Variants in DCDC1 observed in about 807,000 individuals in gnomAD.
DCDC1 encodes doublecortin domain-containing protein 1.
Under a neutral mutation model 178.3 loss-of-function variants are expected in DCDC1, and 200 were observed. That is an observed-to-expected ratio of 1.12 (90% CI 1.00 to 1.26). The LOEUF (loss-of-function observed/expected upper bound fraction) is 1.26, where lower values mean the gene tolerates loss of function less well. Ranked by LOEUF, DCDC1 falls within the 50% of genes most tolerant of loss-of-function variation. DCDC1 has a pLI of 0.00. For synonymous variants in DCDC1, 690 were observed against 604.8 expected, an observed-to-expected ratio of 1.14 and a Z score of -2.07; for missense variants, 1,983 against 1,749.2, an observed-to-expected ratio of 1.13 and a Z score of -2.38.
chr11:31,014,705 C>T lies in DCDC1; in HGVS notation c.2591+49764G>A, dbSNP rs183521377. Among the ~76,000 whole-genome samples the T allele has an allele frequency of 3.8e-4, 58 of 152,282 alleles. No homozygotes were observed. The South Asian group carries it at 3.9e-3, about 10-fold the overall frequency. On this transcript the variant is annotated intron_variant, in intron 20 of 38. Transcript: ENST00000684477. ...TCCATGGTGTTTACCAATCACTACC[C>T]TAATTATAATCCTTCATGACCATCA... is the stretch of plus-strand genomic sequence containing the variant.
At chr11:30,901,128 T>C (rs1469134198) in intron 32 of DCDC1, among the ~76,000 whole-genome samples, 1 of 152,096 alleles carries the variant, frequency 6.6e-6, no homozygotes, top group East Asian at 1.9e-4. Context: ...GGCCCACATA[T>C]AGTGAGAAAT....
intron 11 of DCDC1, among the ~76,000 whole-genome samples, chr11:31,126,537 T>C (rs956786911): frequency 6.6e-6 from 1 of 152,214 alleles, no homozygotes; most frequent in Non-Finnish European, 1.5e-5. Context: ...GTTTCTAATG[T>C]TACTTGCAGA....
intron 9 of DCDC1, among the ~76,000 whole-genome samples, chr11:31,195,216 C>T (rs1015540689): frequency 6.6e-6 from 1 of 152,086 alleles, no homozygotes; most frequent in Non-Finnish European, 1.5e-5. Flanking sequence ...GAAGAGTGGA[C>T]TTCAGTTAAA....
At chr11:31,090,283 G>A (rs764408013) in intron 17 of DCDC1, among the ~76,000 whole-genome samples, 4 of 152,082 alleles carry the variant, frequency 2.6e-5, no homozygotes, top group Admixed American at 6.5e-5. Context: ...CACACTTGGC[G>A]CTCACTGGCA....
intron 1 of DCDC1, among the ~76,000 whole-genome samples, chr11:31,342,256 T>A (rs952300604): frequency 6.6e-6 from 1 of 152,190 alleles, no homozygotes; most frequent in African/African-American, 2.4e-5. Flanking sequence ...TATAACTAAC[T>A]TACACGCACA....
intron 9 of DCDC1, among the ~76,000 whole-genome samples, chr11:31,211,577 A>G (rs1972536528): frequency 6.6e-6 from 1 of 152,204 alleles, no homozygotes; most frequent in Non-Finnish European, 1.5e-5. Context: ...ACATGCCTAG[A>G]TACTTTGTTC....
intron 9 of DCDC1, among the ~76,000 whole-genome samples, chr11:31,139,219 A>T (rs1963528986): frequency 6.6e-6 from 1 of 152,204 alleles, no homozygotes; most frequent in Non-Finnish European, 1.5e-5. Flanking sequence ...AAAACTTTAA[A>T]AAACAACAAT....
intron 9 of DCDC1, among the ~76,000 whole-genome samples, chr11:31,170,291 G>C (rs1394000594): frequency 6.6e-6 from 1 of 152,068 alleles, no homozygotes; most frequent in African/African-American, 2.4e-5. Flanking sequence ...TTGGGTCCAA[G>C]TCAGTAGACC....
chr11:30,964,225 G>A (rs1018230982), intron 20 of DCDC1, among the ~76,000 whole-genome samples: 8 of 152,120 alleles, frequency 5.3e-5, no homozygotes, highest in African/African-American at 1.9e-4. Context: ...GTGATTAATG[G>A]ATAGAGAAGA....
chr11:31,261,251 A>G lies in DCDC1; in HGVS notation c.1054+4256T>C, dbSNP rs756808539. Among the ~76,000 whole-genome samples, 32 of 152,128 alleles carry G rather than the reference A, an allele frequency of 2.1e-4. 1 individual carries two copies. The highest frequency in any genetic ancestry group is 3.2e-3 in the Middle Eastern group (1 of 316). ...AAGCAGCACTCTGAGATGCCTACCC[A>G]GGCTGTTTACATTATCTCCTAAGTT... On this transcript the variant is annotated intron_variant, in intron 8 of 38. Transcript: ENST00000684477.
chr11:31,364,475 A>G (rs770691192), intron 1 of DCDC1, among the ~76,000 whole-genome samples: 2 of 152,226 alleles, frequency 1.3e-5, no homozygotes, highest in Non-Finnish European at 2.9e-5. Flanking sequence ...TGATTAAAAC[A>G]TTAGATGTGA....
intron 36 of DCDC1, chr11:30,883,629 T>C: frequency 4.2e-6 from 1 of 239,288 alleles, no homozygotes; most frequent in Non-Finnish European, 8.7e-6. Flanking sequence ...ACACTTCGTT[T>C]TCTGTAACAC....
At chr11:30,881,009 T>C in intron 37 of DCDC1, 149 bp downstream of exon 37, 1 of 888,756 alleles carries the variant, frequency 1.1e-6, no homozygotes, top group Non-Finnish European at 1.6e-6. Context: ...CACATAAATA[T>C]ATAAATTTAA....
At chr11:30,917,580 C>T (rs1349209311) in intron 25 of DCDC1, among the ~76,000 whole-genome samples, 1 of 152,110 alleles carries the variant, frequency 6.6e-6, no homozygotes, top group Admixed American at 6.6e-5. Context: ...AGTAAATAGT[C>T]ATAGTTTGAA....
At chr11:30,972,736 T>C (rs1949874261) in intron 20 of DCDC1, among the ~76,000 whole-genome samples, 1 of 152,182 alleles carries the variant, frequency 6.6e-6, no homozygotes, top group Non-Finnish European at 1.5e-5. Flanking sequence ...TAGATTAAAC[T>C]TTCCATTTAA....
At chr11:30,953,063 C>A (rs1471939075) in intron 20 of DCDC1, among the ~76,000 whole-genome samples, 2 of 151,598 alleles carry the variant, frequency 1.3e-5, no homozygotes, top group Non-Finnish European at 2.9e-5. Flanking sequence ...CTGTAACATG[C>A]TAATGGAGAA....
At chr11:31,210,928 A>C (rs903795339) in intron 9 of DCDC1, among the ~76,000 whole-genome samples, 3 of 152,194 alleles carry the variant, frequency 2.0e-5, no homozygotes, top group Admixed American at 6.5e-5. Flanking sequence ...CCTTGAATCC[A>C]TGAATGGATA....
rs527285649 is a variant in DCDC1, at chr11:31,194,489, T to A, written c.1221+46961A>T. Among the ~76,000 whole-genome samples, 319 of 152,230 alleles carry A rather than the reference T, an allele frequency of 2.1e-3. 2 individuals are homozygous for A. Among genetic ancestry groups the A allele is most frequent in the African/African-American group, 7.2e-3 (301 of 41,560 alleles). ...AACTTAGAGAAAAAACATCATGTAT[T>A]TTCCTTTATACATAAAAACATATTT... is the stretch of plus-strand genomic sequence containing the variant. On this transcript the variant is annotated intron_variant, in intron 9 of 38. Coordinates refer to ENST00000684477, the MANE Select transcript of DCDC1 (RefSeq NM_001387274.1).
Position 31,326,224 on chromosome 11 carries a change from CG to C in DCDC1, c.164+1892del, listed in dbSNP as rs562019902. On this transcript the variant is annotated intron_variant, in intron 3 of 38. Coordinates refer to ENST00000684477, the MANE Select transcript of DCDC1 (RefSeq NM_001387274.1). ...TTGAAACAAAAACTAGAAAAAACAG[CG>C]GTAGGAAAGTGTCACATGAGAAGAA... 4.0e-3 allele frequency among the ~76,000 whole-genome samples: 613 copies of C among 151,918 alleles called. 2 individuals carry two copies. Among genetic ancestry groups the C allele is most frequent in the Admixed American group, 7.4e-3 (113 of 15,264 alleles).
Sources: allele counts gnomAD v4.1 joint callset (sites outside exome capture counted in the v4.1 genomes callset), GRCh38; gene constraint gnomAD v4.1.1; transcripts MANE v1.5; gene names NCBI Gene and HGNC (gene_info 2026-07-23, HGNC 2026-07-21).